FILIP1L: variants seen among roughly 807,000 people sequenced by gnomAD.
FILIP1L encodes the protein filamin A interacting protein 1 like, also known as filamin A-interacting protein 1-like.
A neutral mutation model predicts 96.6 loss-of-function variants in FILIP1L; 55 were observed. The ratio of observed to expected loss-of-function variants is 0.57; its 90% confidence interval spans 0.46 to 0.71. FILIP1L has a LOEUF of 0.71. Among genes scored for constraint, FILIP1L ranks in the 30% least tolerant of loss-of-function variants. The pLI is 0.00. For synonymous variants in FILIP1L, 467 were observed against 473.9 expected (o/e 0.99, Z 0.19); for missense variants, 1,304 against 1,321.2 (o/e 0.99, Z 0.20).
rs200704687 is a variant in FILIP1L, at chr3:99,845,831, AATT to A, written c.3381+2461_3381+2463del. 7.2e-3 allele frequency among the ~76,000 whole-genome samples: 1,099 copies of A among 152,300 alleles called. 19 individuals are homozygous for A. Among genetic ancestry groups the A allele is most frequent in the African/African-American group, 0.024 (1,012 of 41,560 alleles). On this transcript the variant is annotated intron_variant, in intron 5 of 5. Coordinates refer to ENST00000477258, the MANE Select transcript of FILIP1L (RefSeq NM_001387850.1). ...TAAAATTTATTTTGATGCTGATACA[AATT>A]ATTATACTGAAGGAATCCTCCCAGT...
chr3:99,868,389 T>C (rs1944623436), intron 4 of FILIP1L, among the ~76,000 whole-genome samples: 1 of 152,170 alleles, frequency 6.6e-6, no homozygotes. Context: ...GACTGCATCC[T>C]ACAAAGGACC....
At chr3:100,038,091 G>C (rs955504848) in intron 1 of FILIP1L, among the ~76,000 whole-genome samples, 23 of 151,898 alleles carry the variant, frequency 1.5e-4, no homozygotes, top group African/African-American at 5.3e-4. Context: ...GAGTAGCTGG[G>C]ATTACAGGCA....
chr3:99,923,158 A>T (rs942498032), intron 4 of FILIP1L, among the ~76,000 whole-genome samples: 3 of 151,090 alleles, frequency 2.0e-5, no homozygotes, highest in African/African-American at 7.3e-5. Context: ...GCCTTGATGT[A>T]TTCTAGGGTT....
At chr3:100,040,397 A>G (rs1449397816) in intron 1 of FILIP1L, 2 of 152,244 alleles carry the variant, frequency 1.3e-5, no homozygotes, top group Non-Finnish European at 1.5e-5. Context: ...ATAGTTCCAG[A>G]TAATAGCATT....
At chr3:100,051,196 GCTT>G (rs1382543341) in intron 1 of FILIP1L, 2 of 151,970 alleles carry the variant, frequency 1.3e-5, no homozygotes, top group Admixed American at 6.6e-5. Flanking sequence ...TGTGAGTCCA[GCTT>G]CTTATTTTTT....
At chr3:100,098,643 G>C (rs1263554297) in intron 1 of FILIP1L, among the ~76,000 whole-genome samples, 2 of 152,164 alleles carry the variant, frequency 1.3e-5, no homozygotes, top group Non-Finnish European at 2.9e-5. Flanking sequence ...CCCTACTGGA[G>C]TATAAGTACC....
At chr3:100,052,781 A>G (rs1486897245) in intron 1 of FILIP1L, among the ~76,000 whole-genome samples, 2 of 152,238 alleles carry the variant, frequency 1.3e-5, no homozygotes, top group Non-Finnish European at 2.9e-5. Flanking sequence ...TATATACTGT[A>G]TAAGGTAAAC....
chr3:99,858,371 A>C (rs1944077161), intron 4 of FILIP1L, among the ~76,000 whole-genome samples: 1 of 152,160 alleles, frequency 6.6e-6, no homozygotes, highest in Non-Finnish European at 1.5e-5. Context: ...AGGCTGAGGC[A>C]GGAGAATTGC....
chr3:100,027,428 C>T (rs1685455588), intron 1 of FILIP1L, among the ~76,000 whole-genome samples: 1 of 152,146 alleles, frequency 6.6e-6, no homozygotes, highest in African/African-American at 2.4e-5. Flanking sequence ...CTGGGCTGTA[C>T]TTCTTTTGGC....
At chr3:100,075,523 T>G (rs1210221440) in intron 1 of FILIP1L, 1 of 152,136 alleles carries the variant, frequency 6.6e-6, no homozygotes, top group Non-Finnish European at 1.5e-5. Context: ...GGGTTTTTGC[T>G]TTTTACTTCA....
At chr3:100,014,141 A>G (rs1710248303) in intron 1 of FILIP1L, among the ~76,000 whole-genome samples, 1 of 151,154 alleles carries the variant, frequency 6.6e-6, no homozygotes, top group Non-Finnish European at 1.5e-5. Flanking sequence ...ATTGTTGAAA[A>G]TGACAGAATT....
intron 1 of FILIP1L, among the ~76,000 whole-genome samples, chr3:99,973,660 T>C (rs945391411): frequency 1.3e-5 from 2 of 152,178 alleles, no homozygotes; most frequent in African/African-American, 4.8e-5. Flanking sequence ...ACCACTTCTG[T>C]AAGAAGAATA....
chr3:100,014,850 C>G (rs539157261), intron 1 of FILIP1L, among the ~76,000 whole-genome samples: 1 of 128,348 alleles, frequency 7.8e-6, no homozygotes, highest in Non-Finnish European at 1.7e-5. Flanking sequence ...TTATCTGATG[C>G]AACACCATTT....
At chr3:99,836,846 G>A (rs570692592) in intron 5 of FILIP1L, among the ~76,000 whole-genome samples, 1 of 152,318 alleles carries the variant, frequency 6.6e-6, no homozygotes, top group African/African-American at 2.4e-5. Context: ...CATTGTGTCT[G>A]AACCAATCAG....
intron 4 of FILIP1L, among the ~76,000 whole-genome samples, chr3:99,896,780 C>T (rs1196717140): frequency 2.6e-5 from 4 of 152,240 alleles, no homozygotes; most frequent in South Asian, 2.1e-4. Context: ...TAGGGTTTAA[C>T]GGTTTTTGTT....
rs148784051 is a variant in FILIP1L, at chr3:100,103,344, A to T, written c.-11+10709T>A. Among the ~76,000 whole-genome samples, 706 of 152,358 alleles carry T rather than the reference A, an allele frequency of 4.6e-3. 2 individuals carry two copies. The highest frequency in any genetic ancestry group is 7.1e-3 in the South Asian group (34 of 4,822). On this transcript the variant is annotated intron_variant, in intron 1 of 5. Transcript: ENST00000477258. ...TTGAGCACAGCAGGAGGTTGGGCAAAGCTGCTCCATTCTGAAGGTTATTAT... is the reference window on the plus strand; with the variant it reads ...TTGAGCACAGCAGGAGGTTGGGCAATGCTGCTCCATTCTGAAGGTTATTAT...
chr3:100,058,932 A>C (rs535669066), intron 1 of FILIP1L, among the ~76,000 whole-genome samples: 2 of 152,354 alleles, frequency 1.3e-5, no homozygotes, highest in South Asian at 4.1e-4. Context: ...GCAAAGGGGC[A>C]GTTTGGACAG....
At chr3:99,916,708 T>C (rs570117672) in intron 4 of FILIP1L, among the ~76,000 whole-genome samples, 170 of 152,316 alleles carry the variant, frequency 1.1e-3, no homozygotes, top group African/African-American at 3.8e-3. Context: ...GATGAGAGGA[T>C]GGGACCATGC....
At chr3:100,062,198 GC>G (rs931768629) in intron 1 of FILIP1L, among the ~76,000 whole-genome samples, 9 of 133,914 alleles carry the variant, frequency 6.7e-5, no homozygotes, top group African/African-American at 2.5e-4. Flanking sequence ...TGCAAGCTCC[GC>G]CTCCCGGGTT....
Sources: allele counts gnomAD v4.1 joint callset (sites outside exome capture counted in the v4.1 genomes callset), GRCh38; gene constraint gnomAD v4.1.1; transcripts MANE v1.5; gene names NCBI Gene and HGNC (gene_info 2026-07-23, HGNC 2026-07-21).